The following TAOK3 variants were observed in gnomAD, a reference collection of about 807,000 sequenced individuals.
TAOK3 encodes serine/threonine-protein kinase TAO3.
A neutral mutation model predicts 120.4 loss-of-function variants in TAOK3; 40 were observed. The ratio of observed to expected loss-of-function variants is 0.33; its 90% CI spans 0.26 to 0.43. TAOK3 has a LOEUF of 0.43. Among genes scored for constraint, TAOK3 ranks in the 20% least tolerant of loss-of-function variants. TAOK3 has a pLI of 1.00. For synonymous variants in TAOK3, 355 were observed against 387.5 expected (o/e 0.92, Z 0.99); for missense variants, 821 against 1,112.1 (o/e 0.74, Z 3.72).
intron 1 of TAOK3, among the ~76,000 whole-genome samples, chr12:118,362,156 G>A (rs1049297722): frequency 2.6e-5 from 4 of 152,152 alleles, no homozygotes; most frequent in East Asian, 1.9e-4. Context: ...ACTGTTCTAT[G>A]AGTTGGAGAT....
rs570748866 is a variant in TAOK3, at chr12:118,260,475, A to G, written c.-88-4820T>C. ...ACCAGGCATGCAGAAAAGCAGGCAA[A>G]TATAATTCATAATGAGGAGAAAAAT... On this transcript the variant is annotated intron_variant, in intron 2 of 20. Coordinates refer to ENST00000392533, the MANE Select transcript of TAOK3 (RefSeq NM_016281.4). Among the ~76,000 whole-genome samples, 3 of 152,332 alleles carry G rather than the reference A, an allele frequency of 2.0e-5. No individual in the cohort carries two copies. In the East Asian group the frequency reaches 5.8e-4, roughly 29 times the overall value.
chr12:118,318,003 A>AG (rs1456894738), intron 1 of TAOK3, among the ~76,000 whole-genome samples: 1 of 152,184 alleles, frequency 6.6e-6, no homozygotes, highest in Non-Finnish European at 1.5e-5. Flanking sequence ...AAGGGTGCCA[A>AG]GACAACAGGG....
intron 1 of TAOK3, among the ~76,000 whole-genome samples, chr12:118,316,806 T>A (rs1175446809): frequency 6.6e-6 from 1 of 152,126 alleles, no homozygotes; most frequent in Non-Finnish European, 1.5e-5. Flanking sequence ...TTCCAGGGTA[T>A]AAAAATAACA....
chr12:118,207,060 G>A (rs2038358417), intron 11 of TAOK3, among the ~76,000 whole-genome samples: 2 of 151,920 alleles, frequency 1.3e-5, no homozygotes. Flanking sequence ...GGCACGGTGG[G>A]TCATGCCTGT....
chr12:118,362,341 C>G (rs2045624384), intron 1 of TAOK3, among the ~76,000 whole-genome samples: 1 of 143,188 alleles, frequency 7.0e-6, no homozygotes, highest in South Asian at 2.2e-4. Flanking sequence ...AAAAAAGGTC[C>G]ATGCATAAAT....
chr12:118,297,269 A>G (rs2042719246), intron 1 of TAOK3: 1 of 152,246 alleles, frequency 6.6e-6, no homozygotes, highest in Non-Finnish European at 1.5e-5. Context: ...ATACCAGTCA[A>G]TAGCCAAATA....
intron 5 of TAOK3, 54 bp from the exon 6 acceptor site, chr12:118,239,326 T>G (rs2040145592): frequency 2.0e-6 from 2 of 1,003,548 alleles, no homozygotes; most frequent in African/African-American, 3.3e-5. Flanking sequence ...TAAAAACTGC[T>G]GAAACCAACT....
At chr12:118,231,793 C>T (rs935877866) in intron 9 of TAOK3, among the ~76,000 whole-genome samples, 24 of 151,972 alleles carry the variant, frequency 1.6e-4, no homozygotes, top group African/African-American at 5.5e-4. Context: ...CGTGGTGGTG[C>T]ATGCCTGTAA....
intron 2 of TAOK3, among the ~76,000 whole-genome samples, chr12:118,265,759 A>G (rs1178411442): frequency 6.6e-6 from 1 of 152,166 alleles, no homozygotes; most frequent in Non-Finnish European, 1.5e-5. Context: ...TGTTTTAGCA[A>G]AAGAGGCAAG....
chr12:118,278,355 T>G (rs2041977516), intron 1 of TAOK3, among the ~76,000 whole-genome samples: 1 of 152,166 alleles, frequency 6.6e-6, no homozygotes, highest in Non-Finnish European at 1.5e-5. Flanking sequence ...CCAAATGTAC[T>G]CAGTATTTAG....
Position 118,175,629 on chromosome 12 carries a change from A to C in TAOK3, c.1695+1572T>G, listed in dbSNP as rs141830806. Among the ~76,000 whole-genome samples the C allele has an allele frequency of 7.2e-3, 1,089 of 152,284 alleles. 7 individuals are homozygous for C. The highest frequency in any genetic ancestry group is 0.017 in the Middle Eastern group (5 of 294). ...GCAACAAGAGCGAAACTCCATCTCA[A>C]AAGAAAAAAAAATAAAGAATATGAG... On this transcript the variant is annotated intron_variant, in intron 16 of 20. Transcript: ENST00000392533.
chr12:118,299,317 T>G (rs2042791255), intron 1 of TAOK3, among the ~76,000 whole-genome samples: 1 of 152,134 alleles, frequency 6.6e-6, no homozygotes, highest in South Asian at 2.1e-4. Flanking sequence ...TTCAACAAAC[T>G]CATATAACCT....
At chr12:118,334,432 G>A (rs1013547415) in intron 1 of TAOK3, among the ~76,000 whole-genome samples, 4 of 152,130 alleles carry the variant, frequency 2.6e-5, no homozygotes, top group African/African-American at 9.7e-5. Context: ...ACTCATAGAA[G>A]CAAAGGTTGC....
chr12:118,163,602 G>A (rs1381814825), intron 17 of TAOK3, among the ~76,000 whole-genome samples: 1 of 147,544 alleles, frequency 6.8e-6, no homozygotes, highest in East Asian at 2.0e-4. Context: ...TAAGTTTTAC[G>A]TCCAAATTAA....
chr12:118,352,837 A>G (rs2045233674), intron 1 of TAOK3, among the ~76,000 whole-genome samples: 1 of 152,048 alleles, frequency 6.6e-6, no homozygotes, highest in South Asian at 2.1e-4. Context: ...CAGCCTCCCA[A>G]GTAGCTGGGA....
At chr12:118,269,383 CTTTTTTTT>C (rs1174725563) in intron 1 of TAOK3, among the ~76,000 whole-genome samples, 4 of 103,888 alleles carry the variant, frequency 3.9e-5, no homozygotes, top group African/African-American at 1.2e-4. Flanking sequence ...TCTCTCTCTT[CTTTTTTTT>C]TTTTTTTTTT....
At chr12:118,263,586 G>A (rs1045594411) in intron 2 of TAOK3, among the ~76,000 whole-genome samples, 1 of 152,108 alleles carries the variant, frequency 6.6e-6, no homozygotes, top group East Asian at 1.9e-4. Context: ...TGCAAATTAT[G>A]TCTCATAATG....
intron 9 of TAOK3, among the ~76,000 whole-genome samples, chr12:118,232,275 T>C (rs977411364): frequency 2.0e-5 from 3 of 152,222 alleles, no homozygotes; most frequent in African/African-American, 7.2e-5. Flanking sequence ...AAAGGAGAGA[T>C]TCTGTGGCAC....
At position 118,235,765 on chromosome 12, in the gene TAOK3, TAAACGAAC is replaced by T. The variant is rs1019151546; in HGVS notation, c.438-102_438-95del. The T allele has an allele frequency of 8.7e-5, 67 of 774,168 alleles. No individual in the cohort carries two copies. The East Asian group carries it at 1.7e-3, about 20-fold the overall frequency. The allele number at this position is 774,168 out of a possible 1,614,324, so 48.0% of individuals were successfully genotyped here. A position where few individuals can be genotyped will look rare whatever the true frequency, so the allele number is the denominator to read the frequency against. The stretch of plus-strand genomic sequence containing the variant: ...CAATTAATAAGACAAAAAGTTTATT[TAAACGAAC>T]AAACAAACAAACAAAACAAACCTTG... On this transcript the variant is annotated intron_variant, in intron 7 of 20. Coordinates refer to ENST00000392533, the MANE Select transcript of TAOK3 (RefSeq NM_016281.4).
Sources: gnomAD v4.1 joint callset for allele counts (sites outside exome capture counted in the v4.1 genomes callset) on GRCh38, gnomAD v4.1.1 for gene constraint, MANE v1.5 for transcripts, NCBI Gene and HGNC (gene_info 2026-07-23, HGNC 2026-07-21) for gene names.